Variants in GRIK1 observed in about 807,000 individuals in gnomAD.
GRIK1 encodes glutamate ionotropic receptor kainate type subunit 1.
GRIK1 carries 69 observed loss-of-function variants against 105.7 expected under a neutral mutation model. The ratio of observed to expected loss-of-function variants is 0.65; its 90% CI spans 0.54 to 0.80. The LOEUF (loss-of-function observed/expected upper bound fraction) is 0.80. Among genes scored for constraint, GRIK1 ranks in the 30% least tolerant of loss-of-function variants. GRIK1 has a pLI of 0.00. For synonymous variants in GRIK1, 438 were observed against 431.3 expected, an observed-to-expected ratio of 1.02 and a Z score of -0.19; for missense variants, 1,109 against 1,167.3, an observed-to-expected ratio of 0.95 and a Z score of 0.73.
chr21:29,875,156 T>A, intron 1 of GRIK1, among the ~76,000 whole-genome samples: 1 of 152,134 alleles, frequency 6.6e-6, no homozygotes, highest in East Asian at 1.9e-4. Flanking sequence ...TCCTTTCTAA[T>A]TATAGCCTGT....
At chr21:29,666,185 C>T (rs1470564162) in intron 4 of GRIK1, among the ~76,000 whole-genome samples, 2 of 152,294 alleles carry the variant, frequency 1.3e-5, no homozygotes, top group East Asian at 3.9e-4. Context: ...AGGCGGATCA[C>T]CTGAGGTCGG....
chr21:29,616,185 T>C (rs2061846704), intron 7 of GRIK1, among the ~76,000 whole-genome samples: 1 of 152,226 alleles, frequency 6.6e-6, no homozygotes, highest in Non-Finnish European at 1.5e-5. Context: ...GAGACTCTTC[T>C]AACATGGAAC....
At chr21:29,669,682 A>G (rs1435525798) in intron 4 of GRIK1, among the ~76,000 whole-genome samples, 1 of 152,124 alleles carries the variant, frequency 6.6e-6, no homozygotes, top group African/African-American at 2.4e-5. Context: ...TAAGAAACTC[A>G]CCTCAGGGGG....
chr21:29,896,545 TG>T, intron 1 of GRIK1, among the ~76,000 whole-genome samples: 1 of 152,198 alleles, frequency 6.6e-6, no homozygotes, highest in East Asian at 1.9e-4. Context: ...TTTGAATGAA[TG>T]AATTTTATAT....
At chr21:29,685,978 G>A (rs2063480288) in intron 3 of GRIK1, among the ~76,000 whole-genome samples, 1 of 152,210 alleles carries the variant, frequency 6.6e-6, no homozygotes, top group African/African-American at 2.4e-5. Context: ...CCATGCTCAG[G>A]AGGAAGGAAC....
chr21:29,616,696 G>A (rs184189981), intron 7 of GRIK1, among the ~76,000 whole-genome samples: 8 of 152,238 alleles, frequency 5.3e-5, no homozygotes, highest in African/African-American at 9.6e-5. Context: ...TCATGAAACC[G>A]CCTCAAAACT....
At chr21:29,667,078 CT>C (rs1246076845) in intron 4 of GRIK1, among the ~76,000 whole-genome samples, 2 of 152,136 alleles carry the variant, frequency 1.3e-5, no homozygotes, top group Non-Finnish European at 2.9e-5. Flanking sequence ...CCCCTGAGGT[CT>C]TCGGCCTTTT....
chr21:29,861,100 T>G (rs467586), intron 1 of GRIK1, among the ~76,000 whole-genome samples: 79,929 of 150,134 alleles, frequency 0.53, 25,349 homozygotes, highest in Non-Finnish European at 0.7. Context: ...GCAAAGACAA[T>G]CATGTCATCT....
At chr21:29,695,480 A>C (rs111469859) in intron 1 of GRIK1, among the ~76,000 whole-genome samples, 2,877 of 139,638 alleles carry the variant, frequency 0.021, 80 homozygotes, top group African/African-American at 0.073. Context: ...ATCTATCTAT[A>C]TATATATATT....
intron 1 of GRIK1, among the ~76,000 whole-genome samples, chr21:29,776,174 C>T (rs777502681): frequency 4.5e-4 from 69 of 152,196 alleles, no homozygotes; most frequent in Non-Finnish European, 5.9e-4. Flanking sequence ...CCACGAGGTC[C>T]CTCCCTCCAC....
rs1377389257 is a variant in GRIK1 at position 29,693,738 on chromosome 21, T to C, written c.286+158A>G. ...TGCTCAGCAACGTCCATTAGGTTAG[T>C]TCAGATTACACTGATCAGTGACATC... On this transcript the variant is annotated intron_variant, in intron 2 of 17. Coordinates refer to ENST00000327783, the MANE Select transcript of GRIK1 (RefSeq NM_001330994.2). Among the ~76,000 whole-genome samples, 4 of 152,206 alleles carry C rather than the reference T, an allele frequency of 2.6e-5. No homozygotes were observed. The South Asian group carries it at 6.2e-4, about 24-fold the overall frequency.
At chr21:29,736,676 C>T (rs112367361) in intron 1 of GRIK1, among the ~76,000 whole-genome samples, 8,828 of 150,468 alleles carry the variant, frequency 0.059, 291 homozygotes, top group African/African-American at 0.067. Context: ...CTTTTTCTTT[C>T]CTTTTCTTTT....
intron 7 of GRIK1, among the ~76,000 whole-genome samples, chr21:29,608,074 T>A (rs2061657406): frequency 6.6e-6 from 1 of 152,100 alleles, no homozygotes. Context: ...TTACCATTAG[T>A]GTGTGTATGT....
chr21:29,688,313 A>G (rs2063522267), intron 3 of GRIK1, among the ~76,000 whole-genome samples: 1 of 152,234 alleles, frequency 6.6e-6, no homozygotes, highest in South Asian at 2.1e-4. Flanking sequence ...GACTATATAA[A>G]ATGGAACCAG....
chr21:29,665,310 C>T (rs753219453), intron 4 of GRIK1, among the ~76,000 whole-genome samples: 24 of 152,020 alleles, frequency 1.6e-4, no homozygotes, highest in Admixed American at 2.6e-4. Context: ...AACTATGAAC[C>T]GCTCCGTACA....
intron 1 of GRIK1, among the ~76,000 whole-genome samples, chr21:29,910,320 A>C (rs1161216406): frequency 6.6e-6 from 1 of 152,168 alleles, no homozygotes; most frequent in African/African-American, 2.4e-5. Flanking sequence ...AGTTTTGTCT[A>C]AACACGTGGG....
chr21:29,729,035 G>A (rs143573998), intron 1 of GRIK1, among the ~76,000 whole-genome samples: 3 of 152,312 alleles, frequency 2.0e-5, no homozygotes, highest in Non-Finnish European at 4.4e-5. Flanking sequence ...ATTTTGATTA[G>A]TTGGAACTCA....
At chr21:29,894,157 A>G (rs139511441) in intron 1 of GRIK1, among the ~76,000 whole-genome samples, 6 of 152,126 alleles carry the variant, frequency 3.9e-5, no homozygotes, top group African/African-American at 9.7e-5. Context: ...AACTAATTGG[A>G]TATATGTATA....
At chr21:29,708,645 A>G (rs2063972123) in intron 1 of GRIK1, among the ~76,000 whole-genome samples, 1 of 152,142 alleles carries the variant, frequency 6.6e-6, no homozygotes, top group African/African-American at 2.4e-5. Context: ...CTTCATTGCT[A>G]GTGAGAGAAT....
Sources: gnomAD v4.1 joint callset for allele counts (sites outside exome capture counted in the v4.1 genomes callset) on GRCh38, gnomAD v4.1.1 for gene constraint, MANE v1.5 for transcripts, NCBI Gene and HGNC (gene_info 2026-07-23, HGNC 2026-07-21) for gene names.